The following IRX2 variants were observed in gnomAD, a reference collection of about 807,000 sequenced individuals.
IRX2 encodes iroquois-class homeodomain protein IRX-2.
Under a neutral mutation model 42.9 loss-of-function variants are expected in IRX2, and 26 were observed. That is an observed-to-expected ratio of 0.61 (90% CI 0.44 to 0.84). The LOEUF is 0.84. IRX2 is among the 40% of genes least tolerant of loss of function. The pLI, the probability that IRX2 is intolerant of heterozygous loss-of-function variation, is 0.00. For synonymous variants in IRX2, 424 were observed against 353.9 expected, an observed-to-expected ratio of 1.20 and a Z score of -2.22; for missense variants, 782 against 713.9, an observed-to-expected ratio of 1.10 and a Z score of -1.09.
At chr5:2,749,825 G>A (rs1298671225) in intron 1 of IRX2, 38 bp from the exon 2 acceptor site, 10 of 1,538,000 alleles carry the variant, frequency 6.5e-6, no homozygotes, top group Middle Eastern at 2.0e-4. Context: ...AGTATGCGGA[G>A]ACCCCGCGGG....
rs1279275166 is a variant in IRX2 at position 2,751,564 on chromosome 5, C to A, written c.-151G>T. ...GGCCCGGGTACTAGCCTGGGCGGCCCGCGGGCCGGGGCGGCGGCGGGGTGG... is the reference window on the plus strand; with the variant it reads ...GGCCCGGGTACTAGCCTGGGCGGCCAGCGGGCCGGGGCGGCGGCGGGGTGG... On this transcript the variant is annotated 5_prime_UTR_variant, in exon 1 of 4. Transcript: ENST00000302057. The surrounding 1 kb of genome is among the most constrained non-coding windows in gnomAD (Gnocchi z 4.0). The A allele has an allele frequency of 3.1e-6, 1 of 318,314 alleles. No homozygotes were observed. The highest frequency in any genetic ancestry group is 2.4e-5 in the African/African-American group (1 of 41,726). 19.7% of individuals were successfully genotyped at this position (318,314 alleles called of 1,614,324 possible).
At chr5:2,739,975 G>A in the IRX2 span, among the ~76,000 whole-genome samples, 1 of 152,192 alleles carries the variant, frequency 6.6e-6, no homozygotes, top group Non-Finnish European at 1.5e-5. Context: ...CAGGAGCGGG[G>A]CCTCCAGTGG....
In IRX2 at chr5:2,748,815, G is replaced by A. The variant is rs760896001; in HGVS notation, c.893C>T (p.Pro298Leu). ...LTGLEAPLLSPPPEAAPRGGR... is the reference protein window; with the variant it reads ...LTGLEAPLLSLPPEAAPRGGR... ...ACCGCGGGGCGCGGCCTCGGGCGGG[G>A]GGCTCAGCAGCGGCGCCTCCAAGCC... is the stretch of plus-strand genomic sequence containing the variant. The change falls in exon 3 of 4, where the codon CCC becomes CTC. Residue 298 changes from proline to leucine, a missense_variant. Pro to Leu is a moderately conservative substitution (Grantham distance 98). This residue lies in a region of IRX2 where 520 missense variants were observed against 437.8 expected (regional missense o/e 1.19). Transcript: ENST00000302057. 7 of 1,494,618 alleles carry A rather than the reference G, an allele frequency of 4.7e-6. No individual in the cohort carries two copies. Among genetic ancestry groups the A allele is most frequent in the Non-Finnish European group, 5.3e-6 (6 of 1,132,580 alleles). 92.6% of individuals were successfully genotyped at this position (1,494,618 alleles called of 1,614,324 possible).
At chr5:2,750,413 C>T (rs1737899182) in intron 1 of IRX2, among the ~76,000 whole-genome samples, 1 of 152,196 alleles carries the variant, frequency 6.6e-6, no homozygotes, top group Non-Finnish European at 1.5e-5. Context: ...CCGGCAGTCG[C>T]GACAACCCCG....
the IRX2 span, among the ~76,000 whole-genome samples, chr5:2,739,506 G>A: frequency 4.0e-5 from 6 of 150,614 alleles, no homozygotes; most frequent in Admixed American, 1.3e-4. Flanking sequence ...GCAGAAATAC[G>A]GTGTGCAGGC....
chr5:2,751,176 G>A lies in IRX2; in HGVS notation c.238C>T (p.Pro80Ser). The change falls in exon 1 of 4, where the codon CCG becomes TCG. Residue 80 changes from proline to serine, a missense_variant. This residue lies in a region of IRX2 where 256 missense variants were observed against 250.0 expected (regional missense o/e 1.02). Transcript: ENST00000302057. This position sits in a 1 kb window ranked among gnomAD's most constrained non-coding sequence, Gnocchi z 4.0. ...CCGCGCCCGGTTACCATGTAGGACG[G>A]GAAGCCGGCGGCGGCGGCGGCGGCG... is the stretch of plus-strand genomic sequence containing the variant. ...ADAAAAAAGFPSYMGAPYDAH... is the reference protein window; with the variant it reads ...ADAAAAAAGFSSYMGAPYDAH... 7.9e-7 allele frequency: 1 copy of A among 1,266,746 alleles called. No homozygotes were observed. Among genetic ancestry groups the A allele is most frequent in the Non-Finnish European group, 9.9e-7 (1 of 1,007,752 alleles). 78.5% of individuals were successfully genotyped at this position (1,266,746 alleles called of 1,614,324 possible).
chr5:2,749,115 C>T, intron 2 of IRX2, 63 bp from the exon 3 acceptor site: 1 of 1,556,382 alleles, frequency 6.4e-7, no homozygotes, highest in Non-Finnish European at 8.6e-7. Flanking sequence ...GAGCCCCCTC[C>T]GCCCCCTGTC....
At chr5:2,744,542 G>A (rs1459743427), downstream of IRX2, among the ~76,000 whole-genome samples, 1 of 152,166 alleles carries the variant, frequency 6.6e-6, no homozygotes, top group Non-Finnish European at 1.5e-5. Flanking sequence ...GTCTATGAAG[G>A]TTTTATTTCT....
chr5:2,743,235 C>T (rs1737581120), downstream of IRX2, among the ~76,000 whole-genome samples: 1 of 152,206 alleles, frequency 6.6e-6, no homozygotes, highest in African/African-American at 2.4e-5. Context: ...CGCTCCCCGC[C>T]CCTCCTTCCT....
chr5:2,749,262 C>A (rs1318422268), intron 2 of IRX2, 120 bp downstream of exon 2: 1 of 1,451,302 alleles, frequency 6.9e-7, no homozygotes. Flanking sequence ...CAATGTGGTG[C>A]GGCTGGGGCT....
the IRX2 span, among the ~76,000 whole-genome samples, chr5:2,738,862 A>G: frequency 6.6e-6 from 1 of 152,178 alleles, no homozygotes; most frequent in Non-Finnish European, 1.5e-5. Flanking sequence ...CGGAGGGTGA[A>G]GCCAATGGGC....
chr5:2,739,599 C>T, the IRX2 span, among the ~76,000 whole-genome samples: 1 of 152,200 alleles, frequency 6.6e-6, no homozygotes, highest in African/African-American at 2.4e-5. Context: ...TCGGCACCTC[C>T]CCTGGTCCCG....
At chr5:2,739,656 C>T in the IRX2 span, among the ~76,000 whole-genome samples, 1 of 152,340 alleles carries the variant, frequency 6.6e-6, no homozygotes, top group East Asian at 1.9e-4. Flanking sequence ...CCGCGATCGT[C>T]CTGAACCCGG....
At chr5:2,747,818 G>C (rs1737729796) in intron 3 of IRX2, among the ~76,000 whole-genome samples, 1 of 152,208 alleles carries the variant, frequency 6.6e-6, no homozygotes. Context: ...CGGGTAGCCT[G>C]ACTTAGGAGC....
At position 2,746,281 on chromosome 5, in the gene IRX2, A is replaced by C. The variant is rs186211992; in HGVS notation, c.*1283T>G. 2 of 152,366 alleles carry C rather than the reference A, an allele frequency of 1.3e-5. No homozygotes were observed. Among genetic ancestry groups the C allele is most frequent in the African/African-American group, 4.8e-5 (2 of 41,600 alleles). 9.4% of individuals were successfully genotyped at this position (152,366 alleles called of 1,614,324 possible). A position where few individuals can be genotyped will look rare whatever the true frequency, so the allele number is the denominator to read the frequency against. On this transcript the variant is annotated 3_prime_UTR_variant, in exon 4 of 4. Transcript: ENST00000302057. ...CAATGTTCAAATAAAAACCAGGCAG[A>C]ATTTATTTACAAAAAGTTTAGATTC...
At chr5:2,737,169 G>C in the IRX2 span, 10 of 152,354 alleles carry the variant, frequency 6.6e-5, no homozygotes, top group Middle Eastern at 0.01. Context: ...GTTCATTCAC[G>C]AGAGGCCTCA....
the IRX2 span, among the ~76,000 whole-genome samples, chr5:2,738,168 A>T: frequency 6.6e-6 from 1 of 152,206 alleles, no homozygotes; most frequent in Non-Finnish European, 1.5e-5. Context: ...GCATGCCTTA[A>T]CTCAGCCCCT....
Position 2,749,781 on chromosome 5 carries a change from G to C in IRX2, c.256C>G (p.Pro86Ala). The change falls in exon 2 of 4, where the codon CCC becomes GCC. Residue 86 changes from proline (P) to alanine (A), a missense_variant. Around this residue, in one of 3 missense-constraint regions of IRX2, gnomAD observed 256 missense variants for 250.0 expected, o/e 1.02. Coordinates refer to ENST00000302057, the MANE Select transcript of IRX2 (RefSeq NM_033267.5). ...AAGFPSYMGA[P>A]YDAHTTGMTG... ...ATGCCGGTGGTGTGCGCGTCGTAGG[G>C]TGCGCCCTGGAACCAACAAGAGCCT... The C allele has an allele frequency of 1.2e-6, 2 of 1,602,998 alleles. No individual in the cohort carries two copies. Among genetic ancestry groups the C allele is most frequent in the South Asian group, 2.2e-5 (2 of 89,962 alleles).
chr5:2,750,811 C>T (rs142530447), intron 1 of IRX2, among the ~76,000 whole-genome samples: 3,156 of 152,330 alleles, frequency 0.021, 55 homozygotes, highest in South Asian at 0.033. Context: ...CAGCCCGCTC[C>T]GAACGCCTCC....
Sources: gnomAD v4.1 joint callset for allele counts (sites outside exome capture counted in the v4.1 genomes callset) on GRCh38, gnomAD v4.1.1 for gene constraint, gnomAD v4.1.1 regional missense constraint, Gnocchi (gnomAD v3.1) non-coding constraint, MANE v1.5 for transcripts, NCBI Gene and HGNC (gene_info 2026-07-23, HGNC 2026-07-21) for gene names.